DIP2B: variants seen among roughly 807,000 people sequenced by gnomAD.
The protein encoded by DIP2B is DIP2 acetate--CoA ligase B (putative).
Under a neutral mutation model 198.0 loss-of-function variants are expected in DIP2B, and 76 were observed. That is an observed-to-expected ratio of 0.38 (90% CI 0.32 to 0.46). The LOEUF is 0.46. Among genes scored for constraint, DIP2B ranks in the 20% least tolerant of loss-of-function variants. DIP2B has a pLI of 0.99. For missense variants in DIP2B, 1,559 were observed against 1,978.4 expected (o/e 0.79, Z 4.02); for synonymous variants, 701 against 739.1 (o/e 0.95, Z 0.84).
chr12:50,578,423 A>T (rs1255051892), intron 1 of DIP2B, among the ~76,000 whole-genome samples: 2 of 151,924 alleles, frequency 1.3e-5, no homozygotes, highest in Non-Finnish European at 2.9e-5. Flanking sequence ...CTAAATTTTG[A>T]CATATTTCAT....
rs776939041 is a variant in DIP2B, at chr12:50,714,488, T to C, written c.2743T>C (p.Ser915Pro). The part of the protein sequence containing the change: ...PKTPLGGIHI[S>P]QTKQLFLEGS... ...AACTCCACTAGGAGGAATCCATATATCTCAGACGAAACAACTCTTTCTGGA... is the reference window on the plus strand; with the variant it reads ...AACTCCACTAGGAGGAATCCATATACCTCAGACGAAACAACTCTTTCTGGA... Residue 915 changes from serine (S) to proline (P), a missense_variant, in exon 23 of 38, where the codon TCT (serine) becomes CCT (proline). Transcript: ENST00000301180. The C allele has an allele frequency of 7.4e-6, 12 of 1,614,164 alleles. No individual in the cohort carries two copies. In the South Asian group the frequency reaches 1.3e-4, roughly 18 times the overall value.
At chr12:50,653,092 A>G (rs1432134160) in intron 3 of DIP2B, among the ~76,000 whole-genome samples, 2 of 151,950 alleles carry the variant, frequency 1.3e-5, no homozygotes, top group Non-Finnish European at 2.9e-5. Flanking sequence ...AAAGATTTAC[A>G]TTAATTCATA....
At chr12:50,571,754 A>G (rs1428759793) in intron 1 of DIP2B, among the ~76,000 whole-genome samples, 1 of 151,648 alleles carries the variant, frequency 6.6e-6, no homozygotes, top group Non-Finnish European at 1.5e-5. Context: ...GGGTTTCACC[A>G]TGTTAGCCAG....
intron 1 of DIP2B, among the ~76,000 whole-genome samples, chr12:50,589,028 C>G (rs1460089375): frequency 6.6e-6 from 1 of 151,374 alleles, no homozygotes; most frequent in Non-Finnish European, 1.5e-5. Context: ...ACTAAAAATA[C>G]AAAAAATTAG....
chr12:50,522,806 A>G (rs1958132452), intron 1 of DIP2B, among the ~76,000 whole-genome samples: 1 of 152,220 alleles, frequency 6.6e-6, no homozygotes, highest in Admixed American at 6.5e-5. Context: ...TCTGAAAGAA[A>G]CATTCCCAGT....
chr12:50,542,074 C>T (rs1161630856), intron 1 of DIP2B, among the ~76,000 whole-genome samples: 3 of 150,602 alleles, frequency 2.0e-5, no homozygotes, highest in East Asian at 1.9e-4. Context: ...GGGCGGATCA[C>T]GAGGTCAGGG....
intron 1 of DIP2B, among the ~76,000 whole-genome samples, chr12:50,614,578 C>T (rs1436882425): frequency 1.3e-5 from 2 of 152,302 alleles, no homozygotes; most frequent in South Asian, 2.1e-4. Flanking sequence ...ATTCATCCAA[C>T]GTTGAGCTAA....
intron 1 of DIP2B, among the ~76,000 whole-genome samples, chr12:50,529,682 A>AG (rs1429641231): frequency 6.6e-6 from 1 of 151,978 alleles, no homozygotes; most frequent in Non-Finnish European, 1.5e-5. Context: ...TTGATGTTCC[A>AG]GGGGTACTCA....
chr12:50,526,626 C>CTTT (rs11423846), intron 1 of DIP2B, among the ~76,000 whole-genome samples: 654 of 64,188 alleles, frequency 0.01, 202 homozygotes, highest in African/African-American at 0.039. Flanking sequence ...TTTCCTCTGC[C>CTTT]TTTTTTTTTT....
chr12:50,638,048 A>G, intron 2 of DIP2B, among the ~76,000 whole-genome samples: 1 of 152,216 alleles, frequency 6.6e-6, no homozygotes, highest in Non-Finnish European at 1.5e-5. Context: ...ACCTTTTAAC[A>G]TCATCACTAT....
At chr12:50,703,185 T>C (rs1260981291) in intron 19 of DIP2B, among the ~76,000 whole-genome samples, 2 of 151,532 alleles carry the variant, frequency 1.3e-5, no homozygotes, top group African/African-American at 2.4e-5. Context: ...ATTGCACCAT[T>C]GCACTCCAGC....
At chr12:50,669,776 A>T (rs1420852115) in intron 4 of DIP2B, among the ~76,000 whole-genome samples, 1 of 152,078 alleles carries the variant, frequency 6.6e-6, no homozygotes, top group Non-Finnish European at 1.5e-5. Flanking sequence ...TGACTTCTAG[A>T]TTAGATGAGT....
At chr12:50,533,559 A>G (rs574781342) in intron 1 of DIP2B, among the ~76,000 whole-genome samples, 2 of 152,098 alleles carry the variant, frequency 1.3e-5, no homozygotes, top group South Asian at 2.1e-4. Context: ...ACCTACAGGA[A>G]GTTGTGGATT....
chr12:50,671,137 C>A, intron 4 of DIP2B, 49 bp from the exon 5 acceptor site: 1 of 1,565,926 alleles, frequency 6.4e-7, no homozygotes, highest in South Asian at 1.1e-5. Flanking sequence ...ACTGAAAAGT[C>A]TCTGTTCTAG....
At chr12:50,532,941 G>A (rs1343068168) in intron 1 of DIP2B, among the ~76,000 whole-genome samples, 2 of 152,180 alleles carry the variant, frequency 1.3e-5, no homozygotes, top group African/African-American at 2.4e-5. Context: ...GGCCCTCACC[G>A]GGCTGGTTTT....
intron 37 of DIP2B, among the ~76,000 whole-genome samples, chr12:50,743,008 G>C (rs1297687858): frequency 6.6e-6 from 1 of 152,210 alleles, no homozygotes; most frequent in Non-Finnish European, 1.5e-5. Context: ...GGGAAGCTGG[G>C]TGCTGTGGTT....
At chr12:50,571,170 CTTTTTTTTT>C (rs71083599) in intron 1 of DIP2B, among the ~76,000 whole-genome samples, 1 of 126,912 alleles carries the variant, frequency 7.9e-6, no homozygotes, top group South Asian at 2.6e-4. Context: ...TTGGCAGCCT[CTTTTTTTTT>C]TTTTTTTTTG....
At chr12:50,545,882 C>T (rs372461621) in intron 1 of DIP2B, among the ~76,000 whole-genome samples, 10 of 152,056 alleles carry the variant, frequency 6.6e-5, no homozygotes, top group Admixed American at 1.3e-4. Flanking sequence ...GTGATCCACC[C>T]GCCTCGGCCT....
chr12:50,714,686 T>C, intron 23 of DIP2B, 90 bp downstream of exon 23: 1 of 1,512,204 alleles, frequency 6.6e-7, no homozygotes, highest in East Asian at 2.3e-5. Flanking sequence ...ACAATTAGTT[T>C]ACAAAGACTT....
Sources: gnomAD v4.1 joint callset for allele counts (sites outside exome capture counted in the v4.1 genomes callset) on GRCh38, gnomAD v4.1.1 for gene constraint, MANE v1.5 for transcripts, NCBI Gene and HGNC (gene_info 2026-07-23, HGNC 2026-07-21) for gene names.